Variants in NEURL1 observed in about 807,000 individuals in gnomAD.
The protein encoded by NEURL1 is E3 ubiquitin-protein ligase NEURL1.
In NEURL1, 26 loss-of-function variants were observed where a neutral mutation model predicts 41.2. The observed-to-expected ratio is 0.63, with a 90% CI of 0.46 to 0.87. The LOEUF (loss-of-function observed/expected upper bound fraction) is 0.87. NEURL1 is among the 40% of genes least tolerant of loss of function. The probability of loss-of-function intolerance (pLI) is 0.00; values close to 1 mark genes in which losing one functional copy is unlikely to be tolerated. For synonymous variants in NEURL1, 400 were observed against 402.3 expected (o/e 0.99, Z 0.07); for missense variants, 761 against 871.1 (o/e 0.87, Z 1.59).
intron 3 of NEURL1, chr10:103,578,035 T>G (rs1182059749): frequency 1.3e-5 from 2 of 152,132 alleles, no homozygotes; most frequent in African/African-American, 4.8e-5. Flanking sequence ...GGGGTGTATG[T>G]GGAGGGAGGA....
At chr10:103,578,666 G>C (rs1227908146) in intron 3 of NEURL1, among the ~76,000 whole-genome samples, 1 of 152,224 alleles carries the variant, frequency 6.6e-6, no homozygotes, top group Non-Finnish European at 1.5e-5. Context: ...GAATCTTAAA[G>C]TCTGTGACTG....
intron 4 of NEURL1, among the ~76,000 whole-genome samples, chr10:103,586,316 G>A (rs1434497359): frequency 6.6e-6 from 1 of 152,070 alleles, no homozygotes; most frequent in Non-Finnish European, 1.5e-5. Flanking sequence ...TCCAAGTGCC[G>A]GTCTTTGAAC....
At chr10:103,544,811 C>G (rs1054130101) in intron 1 of NEURL1, among the ~76,000 whole-genome samples, 7 of 152,162 alleles carry the variant, frequency 4.6e-5, no homozygotes, top group African/African-American at 1.7e-4. Flanking sequence ...GCTGGTGGAG[C>G]CCAACCCAGG....
rs61871258 is a variant in NEURL1, at chr10:103,567,689, G to A, written c.86-3183G>A. ...GCTGGGATTACAGGTGTGAGCCACT[G>A]CACCTGGCCTCTTAATGCTTAATGG... is the stretch of plus-strand genomic sequence containing the variant. On this transcript the variant is annotated intron_variant, in intron 1 of 5. Coordinates refer to ENST00000369780, the MANE Select transcript of NEURL1 (RefSeq NM_004210.5). Among the ~76,000 whole-genome samples, 678 of 152,328 alleles carry A rather than the reference G, an allele frequency of 4.5e-3. 3 individuals carry two copies. The highest frequency in any genetic ancestry group is 6.0e-3 in the Non-Finnish European group (409 of 68,024).
chr10:103,537,703 AT>A (rs1415864068), intron 1 of NEURL1, among the ~76,000 whole-genome samples: 1 of 152,140 alleles, frequency 6.6e-6, no homozygotes, highest in African/African-American at 2.4e-5. Flanking sequence ...TTACGCTTAC[AT>A]TTAATAGGTT....
intron 1 of NEURL1, among the ~76,000 whole-genome samples, chr10:103,543,314 C>T (rs1049417122): frequency 1.3e-5 from 2 of 152,196 alleles, no homozygotes; most frequent in African/African-American, 4.8e-5. Context: ...CGAGTGAGCA[C>T]AGGCTAGTGC....
At position 103,494,434 on chromosome 10, in the gene NEURL1, C is replaced by A. The variant is rs766849798; in HGVS notation, c.47C>A (p.Pro16Gln). 6.3e-7 allele frequency: 1 copy of A among 1,598,148 alleles called. No individual in the cohort carries two copies. Among genetic ancestry groups the A allele is most frequent in the African/African-American group, 1.3e-5 (1 of 74,390 alleles). The change falls in exon 1 of 6, where the codon CCG becomes CAG. Residue 16 changes from proline (P) to glutamine (Q), a missense_variant. By Grantham distance (76) the Pro-to-Gln change is moderately conservative. This residue lies in a region of NEURL1 where 94 missense variants were observed against 96.6 expected (regional missense o/e 0.97). Transcript: ENST00000369780. ...SSIPSLPRGN[P>Q]SRAPRGHPQN... The stretch of plus-strand genomic sequence containing the variant: ...ATCCCCTCGCTGCCCCGAGGAAACC[C>A]GAGCCGCGCGCCGCGGGGCCACCCC...
intron 1 of NEURL1, among the ~76,000 whole-genome samples, chr10:103,522,588 G>A (rs1420413596): frequency 1.7e-5 from 2 of 118,334 alleles, no homozygotes; most frequent in Admixed American, 1.0e-4. Context: ...GGCAACAAGA[G>A]CAAAACTCCA....
At chr10:103,532,131 C>A (rs1355309363) in intron 1 of NEURL1, among the ~76,000 whole-genome samples, 2 of 152,120 alleles carry the variant, frequency 1.3e-5, no homozygotes. Context: ...CATTTATTTT[C>A]TTATCCGTTC....
intron 3 of NEURL1, among the ~76,000 whole-genome samples, chr10:103,576,050 A>G (rs543845964): frequency 2.6e-5 from 4 of 152,362 alleles, no homozygotes; most frequent in East Asian, 1.9e-4. Flanking sequence ...AAGCGGGGGC[A>G]GGTGGGAGAC....
chr10:103,550,276 G>A (rs1457591428), intron 1 of NEURL1, among the ~76,000 whole-genome samples: 1 of 152,198 alleles, frequency 6.6e-6, no homozygotes, highest in Non-Finnish European at 1.5e-5. Flanking sequence ...GGGGTCAGGG[G>A]ACAGGAGATG....
intron 1 of NEURL1, among the ~76,000 whole-genome samples, chr10:103,557,878 C>G (rs538258960): frequency 2.6e-5 from 4 of 152,226 alleles, no homozygotes; most frequent in African/African-American, 9.6e-5. Context: ...ATTATCTTTT[C>G]TTTTCTTTTC....
chr10:103,493,829 G>C lies in NEURL1; in HGVS notation c.-559G>C, dbSNP rs887551776. The C allele has an allele frequency of 6.6e-6, 1 of 151,910 alleles. No individual in the cohort carries two copies. Among genetic ancestry groups the C allele is most frequent in the Non-Finnish European group, 1.5e-5 (1 of 67,986 alleles). The allele number at this position is 151,910 out of a possible 1,614,324, so 9.4% of individuals were successfully genotyped here. ...ACCCGGCGCGGGCGGGACCGCGGCG[G>C]TCGGGGGACACCAGCTGCGTCGGAG... On this transcript the variant is annotated 5_prime_UTR_variant, in exon 1 of 6. Coordinates refer to ENST00000369780, the MANE Select transcript of NEURL1 (RefSeq NM_004210.5).
chr10:103,503,869 C>T (rs2033884134), intron 1 of NEURL1, among the ~76,000 whole-genome samples: 1 of 144,404 alleles, frequency 6.9e-6, no homozygotes, highest in African/African-American at 2.6e-5. Flanking sequence ...CAGCTCACTG[C>T]AGCCTCACCC....
intron 1 of NEURL1, among the ~76,000 whole-genome samples, chr10:103,523,257 C>A (rs923580071): frequency 6.6e-6 from 1 of 151,776 alleles, no homozygotes; most frequent in African/African-American, 2.4e-5. Context: ...GGGTTTGAGA[C>A]CAGCATGGGC....
intron 1 of NEURL1, among the ~76,000 whole-genome samples, chr10:103,518,577 G>A (rs1454687425): frequency 6.6e-6 from 1 of 152,212 alleles, no homozygotes; most frequent in African/African-American, 2.4e-5. Context: ...AACCATGAGT[G>A]AGGCAGATAC....
rs556508017 is a variant in NEURL1 at position 103,557,141 on chromosome 10, G to A, written c.86-13731G>A. Among the ~76,000 whole-genome samples, 4 of 152,272 alleles carry A rather than the reference G, an allele frequency of 2.6e-5. No individual in the cohort carries two copies. In the South Asian group the frequency reaches 8.3e-4, roughly 32 times the overall value. On this transcript the variant is annotated intron_variant, in intron 1 of 5. Transcript: ENST00000369780. ...ATAGCACCCTCCTTCTAAGATTGCT[G>A]TGCAGGCCAGGCCCGATGGTTCACG... is the stretch of plus-strand genomic sequence containing the variant.
At chr10:103,562,129 A>G (rs1424442686) in intron 1 of NEURL1, among the ~76,000 whole-genome samples, 1 of 152,258 alleles carries the variant, frequency 6.6e-6, no homozygotes, top group Non-Finnish European at 1.5e-5. Flanking sequence ...TTACGCCTGT[A>G]ATCCCAGCAT....
In NEURL1 at chr10:103,590,786, C is replaced by T. The variant is rs1211354216; in HGVS notation, c.*414C>T. The T allele has an allele frequency of 4.1e-6, 1 of 244,828 alleles. No homozygotes were observed. Among genetic ancestry groups the T allele is most frequent in the Admixed American group, 5.1e-5 (1 of 19,624 alleles). 15.2% of individuals were successfully genotyped at this position (244,828 alleles called of 1,614,324 possible). A position where few individuals can be genotyped will look rare whatever the true frequency, so the allele number is the denominator to read the frequency against. ...CCTCTGGGCAGCTGCAGCCCTGAGC[C>T]AGGACATGTGGCCTGGCTAGTGCAG... is the stretch of plus-strand genomic sequence containing the variant. On this transcript the variant is annotated 3_prime_UTR_variant, in exon 6 of 6. Transcript: ENST00000369780.
Sources: allele counts gnomAD v4.1 joint callset (sites outside exome capture counted in the v4.1 genomes callset), GRCh38; gene constraint gnomAD v4.1.1; regional missense constraint gnomAD v4.1.1; transcripts MANE v1.5; gene names NCBI Gene and HGNC (gene_info 2026-07-23, HGNC 2026-07-21).